The following CA10 variants were observed in gnomAD, a reference collection of about 807,000 sequenced individuals.
CA10 encodes the protein carbonic anhydrase-related protein 10.
Under a neutral mutation model 44.2 loss-of-function variants are expected in CA10, and 14 were observed. That is an observed-to-expected ratio of 0.32 (90% CI 0.21 to 0.50). The LOEUF (loss-of-function observed/expected upper bound fraction) is 0.50. CA10 is among the 20% of genes least tolerant of loss of function. The pLI, the probability that CA10 is intolerant of heterozygous loss-of-function variation, is 0.99. For missense variants in CA10, 350 were observed against 409.7 expected (o/e 0.85, Z 1.26); for synonymous variants, 159 against 141.6 (o/e 1.12, Z -0.87).
At chr17:51,780,428 C>G (rs1437848032) in intron 3 of CA10, among the ~76,000 whole-genome samples, 2 of 152,194 alleles carry the variant, frequency 1.3e-5, no homozygotes, top group Non-Finnish European at 2.9e-5. Context: ...CCCAGTGCCT[C>G]TTTCTGGCCA....
At chr17:51,640,347 A>C (rs559640818) in intron 6 of CA10, among the ~76,000 whole-genome samples, 2 of 152,244 alleles carry the variant, frequency 1.3e-5, no homozygotes, top group South Asian at 4.2e-4. Flanking sequence ...TCCTTAGCTT[A>C]AATACATGCT....
At chr17:51,757,030 G>A (rs562204992) in intron 3 of CA10, among the ~76,000 whole-genome samples, 52 of 152,242 alleles carry the variant, frequency 3.4e-4, no homozygotes, top group Non-Finnish European at 6.8e-4. Context: ...AAGATTCAAC[G>A]GCCGTGTCAT....
chr17:51,751,929 A>G (rs887243636), intron 3 of CA10, among the ~76,000 whole-genome samples: 1 of 152,130 alleles, frequency 6.6e-6, no homozygotes, highest in African/African-American at 2.4e-5. Context: ...GTGTGCTAGG[A>G]GCTGGGGACA....
chr17:51,669,722 G>A (rs1214953379), intron 4 of CA10, among the ~76,000 whole-genome samples: 1 of 152,122 alleles, frequency 6.6e-6, no homozygotes, highest in Non-Finnish European at 1.5e-5. Flanking sequence ...CCTGAAGCCA[G>A]TAAGACCACG....
At chr17:51,838,230 C>G (rs558621553) in intron 3 of CA10, among the ~76,000 whole-genome samples, 9 of 152,328 alleles carry the variant, frequency 5.9e-5, no homozygotes, top group African/African-American at 2.2e-4. Flanking sequence ...ATCAAGATTC[C>G]TGGCTCTGCG....
chr17:51,980,705 G>A (rs1217469803), intron 2 of CA10, among the ~76,000 whole-genome samples: 2 of 152,040 alleles, frequency 1.3e-5, no homozygotes, highest in Non-Finnish European at 2.9e-5. Flanking sequence ...TATGGTATAA[G>A]GAAGGGGTCC....
intron 4 of CA10, among the ~76,000 whole-genome samples, chr17:51,721,683 C>A (rs1247125476): frequency 6.6e-6 from 1 of 151,980 alleles, no homozygotes; most frequent in Non-Finnish European, 1.5e-5. Flanking sequence ...AAAATCCTAT[C>A]CATCTGGTGA....
chr17:51,668,822 G>A (rs1304331868), intron 4 of CA10, among the ~76,000 whole-genome samples: 5 of 152,260 alleles, frequency 3.3e-5, no homozygotes, highest in East Asian at 3.9e-4. Context: ...GTGGGCCAGC[G>A]CGAGTTCTGG....
chr17:52,047,269 TG>T (rs1986938108), intron 2 of CA10, among the ~76,000 whole-genome samples: 1 of 151,960 alleles, frequency 6.6e-6, no homozygotes, highest in African/African-American at 2.4e-5. Flanking sequence ...AATGTAAAAT[TG>T]TATTGGTTTC....
chr17:52,138,728 G>A (rs113328362), intron 1 of CA10, among the ~76,000 whole-genome samples: 1,685 of 152,248 alleles, frequency 0.011, 33 homozygotes, highest in African/African-American at 0.039. Context: ...AGCAGTGGCA[G>A]GAGTCTTTTT....
intron 1 of CA10, among the ~76,000 whole-genome samples, chr17:52,110,809 G>A (rs1988773980): frequency 2.0e-5 from 3 of 152,152 alleles, no homozygotes; most frequent in Admixed American, 2.0e-4. Context: ...GGGCACAGAA[G>A]GACGTATCCT....
intron 4 of CA10, among the ~76,000 whole-genome samples, chr17:51,708,909 C>T (rs762100358): frequency 6.6e-6 from 1 of 152,242 alleles, no homozygotes; most frequent in South Asian, 2.1e-4. Context: ...CTGAAAGCTG[C>T]ACTCTGTCAT....
At chr17:51,947,118 T>A (rs1421627135) in intron 2 of CA10, among the ~76,000 whole-genome samples, 1 of 151,532 alleles carries the variant, frequency 6.6e-6, no homozygotes, top group African/African-American at 2.4e-5. Flanking sequence ...GCCTTTATAA[T>A]GTAATTATTT....
intron 4 of CA10, among the ~76,000 whole-genome samples, chr17:51,744,140 T>C (rs756320862): frequency 1.3e-5 from 2 of 151,834 alleles, no homozygotes; most frequent in Non-Finnish European, 2.9e-5. Flanking sequence ...GCCAACATAG[T>C]GAAACCTCAC....
chr17:51,635,580 A>C (rs998640023), intron 7 of CA10, among the ~76,000 whole-genome samples: 30 of 152,146 alleles, frequency 2.0e-4, no homozygotes, highest in African/African-American at 6.5e-4. Flanking sequence ...AAGCACGTCA[A>C]AGATTGTCAG....
intron 4 of CA10, among the ~76,000 whole-genome samples, chr17:51,690,026 C>A (rs1915136142): frequency 6.6e-6 from 1 of 151,872 alleles, no homozygotes; most frequent in Non-Finnish European, 1.5e-5. Context: ...TGGCTCACTG[C>A]AACCACCACC....
chr17:51,756,037 G>T (rs1201868531), intron 3 of CA10, among the ~76,000 whole-genome samples: 1 of 151,524 alleles, frequency 6.6e-6, no homozygotes, highest in East Asian at 1.9e-4. Flanking sequence ...TTGCCTTTGA[G>T]ATTTGGGATA....
chr17:51,645,000 G>T (rs979817305), intron 6 of CA10, among the ~76,000 whole-genome samples: 3 of 151,994 alleles, frequency 2.0e-5, no homozygotes, highest in African/African-American at 7.2e-5. Context: ...GTCTCACCAT[G>T]TTGGTCAGGC....
At chr17:52,139,443 A>G (rs572349021) in intron 1 of CA10, among the ~76,000 whole-genome samples, 12 of 139,984 alleles carry the variant, frequency 8.6e-5, no homozygotes, top group Admixed American at 8.4e-4. Flanking sequence ...CATCTGTAAG[A>G]CAAGGTGATT....
Sources: allele counts gnomAD v4.1 joint callset (sites outside exome capture counted in the v4.1 genomes callset), GRCh38; gene constraint gnomAD v4.1.1; transcripts MANE v1.5; gene names NCBI Gene and HGNC (gene_info 2026-07-23, HGNC 2026-07-21).